Variants in SLC8A1 observed in about 807,000 individuals in gnomAD.
SLC8A1 encodes the protein solute carrier family 8 member A1.
Under a neutral mutation model 68.3 loss-of-function variants are expected in SLC8A1, and 18 were observed. The ratio of observed to expected loss-of-function variants is 0.26; its 90% confidence interval spans 0.18 to 0.39. The LOEUF is 0.39. Ranked by LOEUF, SLC8A1 falls within the 10% of genes least tolerant of loss-of-function variation. The pLI, the probability that SLC8A1 is intolerant of heterozygous loss-of-function variation, is 1.00. For missense variants in SLC8A1, 985 were observed against 1,156.7 expected (o/e 0.85, Z 2.15); for synonymous variants, 475 against 415.5 (o/e 1.14, Z -1.74).
At chr2:40,312,794 G>C (rs1482489066) in intron 2 of SLC8A1, among the ~76,000 whole-genome samples, 1 of 152,020 alleles carries the variant, frequency 6.6e-6, no homozygotes, top group South Asian at 2.1e-4. Context: ...GAAAACTATA[G>C]ATTAGTTTTA....
At chr2:40,217,966 G>A (rs2057747320) in intron 2 of SLC8A1, among the ~76,000 whole-genome samples, 1 of 152,086 alleles carries the variant, frequency 6.6e-6, no homozygotes, top group African/African-American at 2.4e-5. Context: ...CAGATTGTGT[G>A]AAGGCATGCA....
intron 6 of SLC8A1, among the ~76,000 whole-genome samples, chr2:40,139,885 G>T (rs1459171003): frequency 2.0e-5 from 3 of 152,062 alleles, no homozygotes; most frequent in Non-Finnish European, 4.4e-5. Context: ...GTGGCTCATT[G>T]GTCAATGGCA....
chr2:40,340,781 C>G (rs536455377), intron 2 of SLC8A1, among the ~76,000 whole-genome samples: 1 of 151,998 alleles, frequency 6.6e-6, no homozygotes, highest in South Asian at 2.1e-4. Flanking sequence ...GTAAGGAAAA[C>G]GGAAATTCAT....
At chr2:40,352,235 G>A (rs1671330738) in intron 2 of SLC8A1, among the ~76,000 whole-genome samples, 1 of 152,030 alleles carries the variant, frequency 6.6e-6, no homozygotes, top group African/African-American at 2.4e-5. Flanking sequence ...TTCAATTTAG[G>A]AATATACTCA....
At position 40,402,373 on chromosome 2, in the gene SLC8A1, C is replaced by T. The variant is rs143329003; in HGVS notation, c.1808+26100G>A. ...AACTCAGGAATAATTCACCCCTTGG[C>T]ATATGATTAAGAAGTAACTGTAAGT... On this transcript the variant is annotated intron_variant, in intron 2 of 7. Transcript: ENST00000406785. Among the ~76,000 whole-genome samples the T allele has an allele frequency of 1.2e-3, 180 of 152,328 alleles. 1 individual carries two copies. The highest frequency in any genetic ancestry group is 4.2e-3 in the African/African-American group (175 of 41,570).
intron 4 of SLC8A1, among the ~76,000 whole-genome samples, chr2:40,170,823 G>C (rs1284859991): frequency 6.6e-6 from 1 of 152,170 alleles, no homozygotes; most frequent in Non-Finnish European, 1.5e-5. Context: ...AAGCCTATTA[G>C]TGCCAACAAT....
In SLC8A1 at chr2:40,146,061, G is replaced by A. The variant is rs184858437; in HGVS notation, c.2162-6385C>T. ...ACATATTCTCTGATGCAAAGTAGAT[G>A]ATGTCAACAACTTTTCTTCTAAGTA... On this transcript the variant is annotated intron_variant, in intron 6 of 7. Coordinates refer to ENST00000406785, the Ensembl canonical transcript of SLC8A1. Among the ~76,000 whole-genome samples the A allele has an allele frequency of 1.6e-3, 241 of 152,256 alleles. 1 individual carries two copies. Among genetic ancestry groups the A allele is most frequent in the African/African-American group, 5.8e-3 (239 of 41,556 alleles).
chr2:40,221,720 T>C (rs185392756), intron 2 of SLC8A1, among the ~76,000 whole-genome samples: 37 of 152,334 alleles, frequency 2.4e-4, no homozygotes, highest in African/African-American at 8.2e-4. Context: ...AGTCTTCCTA[T>C]ACAGCAATAA....
At chr2:40,224,754 C>T (rs1247647837) in intron 2 of SLC8A1, among the ~76,000 whole-genome samples, 2 of 152,104 alleles carry the variant, frequency 1.3e-5, no homozygotes, top group East Asian at 1.9e-4. Flanking sequence ...GGAATATTGC[C>T]TCATCTTCTG....
chr2:40,400,691 G>A (rs761123652), intron 2 of SLC8A1, among the ~76,000 whole-genome samples: 2 of 152,122 alleles, frequency 1.3e-5, no homozygotes, highest in Non-Finnish European at 2.9e-5. Context: ...AGGTGGGAGG[G>A]ACAGAGAGCC....
intron 1 of SLC8A1, among the ~76,000 whole-genome samples, chr2:40,431,365 A>G (rs980046051): frequency 6.6e-6 from 1 of 152,098 alleles, no homozygotes; most frequent in African/African-American, 2.4e-5. Flanking sequence ...CTCATGTGGC[A>G]TGACAAGAGT....
At chr2:40,230,444 C>T (rs1372791130) in intron 2 of SLC8A1, among the ~76,000 whole-genome samples, 1 of 152,094 alleles carries the variant, frequency 6.6e-6, no homozygotes, top group Non-Finnish European at 1.5e-5. Context: ...ACACATTGCA[C>T]CTTGGCTCAA....
At chr2:40,307,020 G>A (rs1198087372) in intron 2 of SLC8A1, among the ~76,000 whole-genome samples, 1 of 152,050 alleles carries the variant, frequency 6.6e-6, no homozygotes, top group Non-Finnish European at 1.5e-5. Flanking sequence ...ATATTCACAA[G>A]AAAGGTCTTC....
At chr2:40,314,644 C>T (rs556337857) in intron 2 of SLC8A1, among the ~76,000 whole-genome samples, 166 of 152,000 alleles carry the variant, frequency 1.1e-3, no homozygotes, top group African/African-American at 3.8e-3. Context: ...AAAGGCATAT[C>T]TGTCTATTTA....
At chr2:40,340,261 C>G (rs4952407) in intron 2 of SLC8A1, among the ~76,000 whole-genome samples, 151,786 of 152,332 alleles carry the variant, frequency 1, 75,623 homozygotes, top group East Asian at 1. Flanking sequence ...TTGGTAAGCT[C>G]GTCAAGAAGG....
chr2:40,277,796 A>ATATATATATATATATATATATGTGTGTG, intron 2 of SLC8A1, among the ~76,000 whole-genome samples: 1 of 17,528 alleles, frequency 5.7e-5, no homozygotes, highest in South Asian at 2.4e-3. Context: ...ATATGTGTGT[A>ATATATATATATATATATATATGTGTGTG]TATATATATA....
At chr2:40,488,513 G>T (rs1463853162) in intron 1 of SLC8A1, among the ~76,000 whole-genome samples, 1 of 151,936 alleles carries the variant, frequency 6.6e-6, no homozygotes, top group South Asian at 2.1e-4. Flanking sequence ...AGCACGTGGA[G>T]AAAATGAACA....
chr2:40,162,928 C>G (rs972530316), intron 5 of SLC8A1, among the ~76,000 whole-genome samples: 2 of 152,086 alleles, frequency 1.3e-5, no homozygotes. Context: ...GTTCTGGGAG[C>G]TCTGAGTAAG....
At chr2:40,340,397 C>A (rs1455423404) in intron 2 of SLC8A1, among the ~76,000 whole-genome samples, 2 of 152,036 alleles carry the variant, frequency 1.3e-5, no homozygotes, top group Non-Finnish European at 2.9e-5. Context: ...CTCATCCCTA[C>A]TAAAAATACA....
Sources: allele counts gnomAD v4.1 joint callset (sites outside exome capture counted in the v4.1 genomes callset), GRCh38; gene constraint gnomAD v4.1.1; transcripts MANE v1.5; gene names NCBI Gene and HGNC (gene_info 2026-07-23, HGNC 2026-07-21).